Variants in LOXL3 observed in about 807,000 individuals in gnomAD.
LOXL3 encodes the protein lysyl oxidase like 3, also known as lysyl oxidase homolog 3.
LOXL3 carries 60 observed loss-of-function variants against 91.8 expected under a neutral mutation model. That is an observed-to-expected ratio of 0.65 (90% confidence interval 0.53 to 0.81). The LOEUF (loss-of-function observed/expected upper bound fraction) is 0.81. Among genes scored for constraint, LOXL3 ranks in the 30% least tolerant of loss-of-function variants. The pLI is 0.00. For missense variants in LOXL3, 874 were observed against 1,000.4 expected, an observed-to-expected ratio of 0.87 and a Z score of 1.70; for synonymous variants, 355 against 387.6, an observed-to-expected ratio of 0.92 and a Z score of 0.99.
chr2:74,555,424 G>A (rs776308907), upstream of LOXL3: 2 of 1,610,686 alleles, frequency 1.2e-6, no homozygotes, highest in African/African-American at 1.3e-5. The surrounding 1 kb of genome is among the most constrained non-coding windows in gnomAD (Gnocchi z 6.1). Flanking sequence ...TGCAGCCTGG[G>A]TGCAGACGCT....
In LOXL3 at chr2:74,552,593, C is replaced by T. The variant is rs1439507481; in HGVS notation, c.42G>A (p.Leu14=). The T allele has an allele frequency of 6.3e-7, 1 of 1,595,372 alleles. No homozygotes were observed. Among genetic ancestry groups the T allele is most frequent in the Admixed American group, 1.7e-5 (1 of 58,376 alleles). The change falls in exon 2 of 14, where the codon CTG becomes CTA. Residue 14 remains leucine (L), a synonymous_variant. Transcript: ENST00000264094. ...VSVWQWSPWG[L]LLCLLCSSCL... is the part of the protein sequence containing the mutation. ...ACGAACTGCACAGCAGGCACAGCAG[C>T]AGCCCCCAGGGGCTCCACTGCCAGA...
chr2:74,533,207 T>G lies in LOXL3; in HGVS notation c.*399A>C. On this transcript the variant is annotated 3_prime_UTR_variant, in exon 14 of 14. Coordinates refer to ENST00000264094, the MANE Select transcript of LOXL3 (RefSeq NM_032603.5). ...ATAGTAAAAAATGAGGTGGGAGGGC[T>G]GGATCTTTTCCCCCACCAAAAGGCT... 1.7e-6 allele frequency: 1 copy of G among 580,266 alleles called. No homozygotes were observed. The highest frequency in any genetic ancestry group is 2.1e-5 in the South Asian group (1 of 48,160). 35.9% of individuals were successfully genotyped at this position (580,266 alleles called of 1,614,324 possible).
intron 1 of LOXL3, among the ~76,000 whole-genome samples, chr2:74,553,376 A>C (rs1677152651): frequency 6.6e-6 from 1 of 152,202 alleles, no homozygotes; most frequent in Non-Finnish European, 1.5e-5. Flanking sequence ...GATGCCCTGC[A>C]GGGTCAAGAG....
chr2:74,533,427 A>G lies in LOXL3; in HGVS notation c.*179T>C, dbSNP rs1431994397. ...CAAAGATTCCCATGCTTGGCTACAG[A>G]TACTGACAGCTGGCCTCTGAAGGAG... is the stretch of plus-strand genomic sequence containing the variant. On this transcript the variant is annotated 3_prime_UTR_variant, in exon 14 of 14. Coordinates refer to ENST00000264094, the MANE Select transcript of LOXL3 (RefSeq NM_032603.5). 7 of 606,246 alleles carry G rather than the reference A, an allele frequency of 1.2e-5. No individual in the cohort carries two copies. The highest frequency in any genetic ancestry group is 1.8e-5 in the Non-Finnish European group (6 of 341,708). 37.6% of individuals were successfully genotyped at this position (606,246 alleles called of 1,614,324 possible).
Position 74,532,374 on chromosome 2 carries a change from G to C in LOXL3, c.*1232C>G, listed in dbSNP as rs1310125727. 1.9e-6 allele frequency: 1 copy of C among 534,118 alleles called. No homozygotes were observed. Among genetic ancestry groups the C allele is most frequent in the African/African-American group, 1.9e-5 (1 of 52,622 alleles). The allele number at this position is 534,118 out of a possible 1,614,324, so 33.1% of individuals were successfully genotyped here. ...CCTTAAAGCTTCTCTTAGTATTCTA[G>C]AATGACATTAGTGCTATTGATTTAA... On this transcript the variant is annotated 3_prime_UTR_variant, in exon 14 of 14. Transcript: ENST00000264094.
Position 74,536,061 on chromosome 2 carries a change from C to G in LOXL3, c.1183G>C (p.Asp395His). The G allele has an allele frequency of 6.2e-7, 1 of 1,612,020 alleles. No homozygotes were observed. Among genetic ancestry groups the G allele is most frequent in the Non-Finnish European group, 8.5e-7 (1 of 1,178,920 alleles). ...CCGGCATCCTGGCTATGTGAACAAT[C>G]CTCAGCTGTGATGTTCTTGTGGGGG... is the stretch of plus-strand genomic sequence containing the variant. ...KCPHKNITAE[D>H]CSHSQDAGVR... The change falls in exon 7 of 14, where the codon GAT (aspartate) becomes CAT (histidine). Residue 395 changes from aspartate (D) to histidine (H), a missense_variant. Asp to His is a moderately conservative substitution (Grantham distance 81). Transcript: ENST00000264094. This position sits in a 1 kb window ranked among gnomAD's most constrained non-coding sequence, Gnocchi z 4.5.
upstream of LOXL3, chr2:74,555,562 C>CTCTT (rs777617357): frequency 6.3e-7 from 1 of 1,598,890 alleles, no homozygotes; most frequent in African/African-American, 1.6e-5. This position sits in a 1 kb window ranked among gnomAD's most constrained non-coding sequence, Gnocchi z 6.1. Flanking sequence ...TTTCTCGATG[C>CTCTT]TCTCTACTAC....
chr2:74,550,184 C>T lies in LOXL3; in HGVS notation c.477+1G>A, dbSNP rs1359542631. 1.2e-6 allele frequency: 2 copies of T among 1,612,372 alleles called. No individual in the cohort carries two copies. The highest frequency in any genetic ancestry group is 2.2e-5 in the East Asian group (1 of 44,884). ...TGTGTGTATGTCTAGGAAATGCAGA[C>T]CTCAATGACATTGGAGTCCGAGAAG... On this transcript the variant is annotated splice_donor_variant, in intron 3 of 13. Coordinates refer to ENST00000264094, the MANE Select transcript of LOXL3 (RefSeq NM_032603.5). LOFTEE classifies it high-confidence loss of function.
At chr2:74,554,839 C>G, upstream of LOXL3, 1 of 1,613,466 alleles carries the variant, frequency 6.2e-7, no homozygotes, top group Non-Finnish European at 8.5e-7. This position sits in a 1 kb window ranked among gnomAD's most constrained non-coding sequence, Gnocchi z 4.9. Context: ...GGATGCCGAA[C>G]CTTATCCGGG....
intron 4 of LOXL3, among the ~76,000 whole-genome samples, chr2:74,543,332 G>A (rs1342292619): frequency 6.6e-6 from 1 of 151,964 alleles, no homozygotes; most frequent in Non-Finnish European, 1.5e-5. Flanking sequence ...CACACCTAGT[G>A]TATTCATAAT....
At position 74,549,638 on chromosome 2, in the gene LOXL3, C is replaced by T; in HGVS notation, c.478-55G>A. 6.5e-7 allele frequency: 1 copy of T among 1,546,066 alleles called. No homozygotes were observed. The highest frequency in any genetic ancestry group is 8.8e-7 in the Non-Finnish European group (1 of 1,138,846). On this transcript the variant is annotated intron_variant, in intron 3 of 13. Transcript: ENST00000264094. This position sits in a 1 kb window ranked among gnomAD's most constrained non-coding sequence, Gnocchi z 5.3. ...ATCCCAGTGGCACCTTTCATGTGTCCCGCCGCCCTTAAGGAACCCTGCTTG... is the reference window on the plus strand; with the variant it reads ...ATCCCAGTGGCACCTTTCATGTGTCTCGCCGCCCTTAAGGAACCCTGCTTG...
upstream of LOXL3, chr2:74,554,472 A>G (rs1175781169): frequency 5.9e-6 from 3 of 512,690 alleles, no homozygotes; most frequent in South Asian, 2.4e-5. This position sits in a 1 kb window ranked among gnomAD's most constrained non-coding sequence, Gnocchi z 4.9. Flanking sequence ...CGCAGCCACC[A>G]CGCCCAGAGG....
rs1370249917 is a variant in LOXL3, at chr2:74,534,666, C to T, written c.1688G>A (p.Ser563Asn). 17 of 1,614,098 alleles carry T rather than the reference C, an allele frequency of 1.1e-5. No homozygotes were observed. Among genetic ancestry groups the T allele is most frequent in the Non-Finnish European group, 1.4e-5 (17 of 1,180,050 alleles). Residue 563 changes from serine (S) to asparagine (N), a missense_variant, in exon 10 of 14, where the codon AGC becomes AAC. By Grantham distance (46) the Ser-to-Asn change is conservative (BLOSUM62 1). Coordinates refer to ENST00000264094, the MANE Select transcript of LOXL3 (RefSeq NM_032603.5). ...YCAAEENCLA[S>N]SARSANWPYG... ...GGGCCAGTTGGCTGAGCGGGCTGAG[C>T]TGGCCAGGCAGTTCTCTTCCGCAGC...
rs1306954950 is a variant in LOXL3 at position 74,536,373 on chromosome 2, G to A, written c.1011C>T (p.Asp337=). 1.2e-6 allele frequency: 2 copies of A among 1,614,114 alleles called. No homozygotes were observed. The highest frequency in any genetic ancestry group is 1.1e-5 in the South Asian group (1 of 91,076). The change falls in exon 6 of 14, where the codon GAC becomes GAT. Residue 337 remains aspartate, a synonymous_variant. Transcript: ENST00000264094. This position sits in a 1 kb window ranked among gnomAD's most constrained non-coding sequence, Gnocchi z 4.5. ...TWGTVCDRKW[D]LHAASVVCRE... ...GACACACCACGCTGGCTGCATGCAG[G>A]TCCCACTTGCGGTCACAGACTGTGC...
At chr2:74,540,736 TGGCTCACTGCAGCCTTATCTCCTG>T (rs1308885759) in intron 4 of LOXL3, among the ~76,000 whole-genome samples, 4 of 144,882 alleles carry the variant, frequency 2.8e-5, no homozygotes, top group African/African-American at 9.9e-5. Flanking sequence ...GGTGCAACCA[TGGCTCACTGCAGCCTTATCTCCTG>T]GGCTCAAGTG....
chr2:74,554,812 A>G (rs1677295612), upstream of LOXL3: 2 of 1,613,936 alleles, frequency 1.2e-6, no homozygotes, highest in Non-Finnish European at 1.7e-6. This position sits in a 1 kb window ranked among gnomAD's most constrained non-coding sequence, Gnocchi z 4.9. Flanking sequence ...CTTTGGGACC[A>G]AGGTAGTCTG....
intron 1 of LOXL3, chr2:74,553,136 A>C (rs1677131456): frequency 6.4e-6 from 1 of 155,784 alleles, no homozygotes; most frequent in African/African-American, 2.4e-5. Context: ...ACAAGAGCCA[A>C]GGGGCGGACG....
chr2:74,546,303 T>C (rs550810234), intron 4 of LOXL3, among the ~76,000 whole-genome samples: 1 of 151,902 alleles, frequency 6.6e-6, no homozygotes, highest in East Asian at 1.9e-4. Flanking sequence ...AAAGTAGTAC[T>C]GAAAAAAAAA....
chr2:74,544,149 C>T (rs770818013), intron 4 of LOXL3, among the ~76,000 whole-genome samples: 5 of 151,702 alleles, frequency 3.3e-5, no homozygotes, highest in Non-Finnish European at 7.4e-5. Context: ...ACTAAAAATA[C>T]AAAAATTAGC....
Sources: allele counts gnomAD v4.1 joint callset (sites outside exome capture counted in the v4.1 genomes callset), GRCh38; gene constraint gnomAD v4.1.1; non-coding constraint Gnocchi (gnomAD v3.1); transcripts MANE v1.5; gene names NCBI Gene and HGNC (gene_info 2026-07-23, HGNC 2026-07-21).